Variants in ANXA11 observed in about 807,000 individuals in gnomAD.
The protein encoded by ANXA11 is annexin A11.
A neutral mutation model predicts 64.7 loss-of-function variants in ANXA11; 57 were observed. The observed-to-expected ratio is 0.88, with a 90% confidence interval of 0.71 to 1.10. ANXA11 has a LOEUF of 1.10. Ranked by LOEUF, ANXA11 falls within the 50% of genes least tolerant of loss-of-function variation. The pLI is 0.00. For missense variants in ANXA11, 675 were observed against 670.7 expected, an observed-to-expected ratio of 1.01 and a Z score of -0.07; for synonymous variants, 260 against 265.2, an observed-to-expected ratio of 0.98 and a Z score of 0.19.
intron 1 of ANXA11, among the ~76,000 whole-genome samples, chr10:80,184,602 T>A (rs1460258461): frequency 6.6e-6 from 1 of 152,176 alleles, no homozygotes; most frequent in Middle Eastern, 3.2e-3. Flanking sequence ...AGACAGACAG[T>A]GTGTTTATAT....
intron 1 of ANXA11, among the ~76,000 whole-genome samples, chr10:80,177,159 T>A (rs1846200858): frequency 6.6e-6 from 1 of 152,080 alleles, no homozygotes; most frequent in Admixed American, 6.6e-5. Flanking sequence ...AGGCTGATTT[T>A]TGTATTTTTA....
intron 7 of ANXA11, 156 bp from the exon 8 acceptor site, chr10:80,166,353 G>A: frequency 1.7e-6 from 1 of 578,190 alleles, no homozygotes; most frequent in Non-Finnish European, 3.1e-6. Context: ...TCTCAGCCCT[G>A]CCCCAAACCT....
intron 1 of ANXA11, among the ~76,000 whole-genome samples, chr10:80,180,161 A>G (rs990773987): frequency 6.6e-6 from 1 of 152,232 alleles, no homozygotes; most frequent in African/African-American, 2.4e-5. Context: ...GAATCTAGAA[A>G]TGCTACACTG....
intron 1 of ANXA11, among the ~76,000 whole-genome samples, chr10:80,203,652 C>A (rs1029022492): frequency 2.0e-5 from 3 of 152,134 alleles, no homozygotes; most frequent in African/African-American, 7.2e-5. Context: ...TAAGCCACAC[C>A]GCCACACAAA....
rs373081857 is a variant in ANXA11 at position 80,155,705 on chromosome 10, G to A, written c.*148C>T. 7.8e-5 allele frequency: 62 copies of A among 796,904 alleles called. No individual in the cohort carries two copies. The highest frequency in any genetic ancestry group is 4.9e-4 in the African/African-American group (29 of 59,238). The allele number at this position is 796,904 out of a possible 1,614,324, so 49.4% of individuals were successfully genotyped here. A position where few individuals can be genotyped will look rare whatever the true frequency, so the allele number is the denominator to read the frequency against. ...ACCCAGGTCCTGTGGCACACTATAC[G>A]GGTCAGGAGGGGTGGAAGACAGGCC... On this transcript the variant is annotated 3_prime_UTR_variant, in exon 16 of 16. Coordinates refer to ENST00000422982, the MANE Select transcript of ANXA11 (RefSeq NM_145868.2).
At chr10:80,156,518 CTCTT>C (rs1845283480) in intron 15 of ANXA11, 1 of 464,612 alleles carries the variant, frequency 2.2e-6, no homozygotes, top group African/African-American at 2.0e-5. Context: ...ATTATTAACT[CTCTT>C]TTTTTTTTTG....
chr10:80,188,812 A>G (rs1846651707), intron 1 of ANXA11, among the ~76,000 whole-genome samples: 1 of 152,140 alleles, frequency 6.6e-6, no homozygotes. Context: ...AGGCTCTGAC[A>G]TTTCGAGAGG....
In ANXA11 at chr10:80,157,638, T is replaced by C. The variant is rs1845325788; in HGVS notation, c.1458+3A>G. 1 of 1,612,774 alleles carries C rather than the reference T, an allele frequency of 6.2e-7. No individual in the cohort carries two copies. The highest frequency in any genetic ancestry group is 1.7e-5 in the Admixed American group (1 of 59,940). ...GCCCAGTTGGCCTGCAGCAGGCCCG[T>C]ACCGAGATGTCGTGGTACAGCGACT... On this transcript the variant is annotated splice_donor_region_variant and intron_variant, in intron 15 of 15. Coordinates refer to ENST00000422982, the MANE Select transcript of ANXA11 (RefSeq NM_145868.2).
chr10:80,159,541 G>A (rs1381153716), intron 12 of ANXA11, among the ~76,000 whole-genome samples: 1 of 152,150 alleles, frequency 6.6e-6, no homozygotes, highest in Non-Finnish European at 1.5e-5. Context: ...AGTATCTGCT[G>A]CTTAAGCCAC....
intron 1 of ANXA11, among the ~76,000 whole-genome samples, chr10:80,188,233 A>G (rs1846620545): frequency 6.6e-6 from 1 of 151,872 alleles, no homozygotes; most frequent in Non-Finnish European, 1.5e-5. Context: ...GGACTTCTCA[A>G]TTCTGCTGCA....
Position 80,151,028 on chromosome 10 carries a change from T to C in ANXA11, c.*4825A>G, listed in dbSNP as rs1276733166. 6.6e-6 allele frequency: 1 copy of C among 152,238 alleles called. No individual in the cohort carries two copies. Among genetic ancestry groups the C allele is most frequent in the African/African-American group, 2.4e-5 (1 of 41,470 alleles). The allele number at this position is 152,238 out of a possible 1,614,324, so 9.4% of individuals were successfully genotyped here. ...GGAAGGACAGACTTGTGGAATTTCC[T>C]ATTCCATTTCGTTGACCACATTAAA... On this transcript the variant is annotated 3_prime_UTR_variant, in exon 16 of 16. Transcript: ENST00000422982.
At chr10:80,178,479 A>T (rs912345571) in intron 1 of ANXA11, among the ~76,000 whole-genome samples, 2 of 152,160 alleles carry the variant, frequency 1.3e-5, no homozygotes, top group South Asian at 2.1e-4. Context: ...GTCTCTGGGG[A>T]CCTTCTGGCC....
rs879067096 is a variant in ANXA11, at chr10:80,155,743, C to T, written c.*110G>A. On this transcript the variant is annotated 3_prime_UTR_variant, in exon 16 of 16. Coordinates refer to ENST00000422982, the MANE Select transcript of ANXA11 (RefSeq NM_145868.2). ...TGGAAGACAGGCCTAAGCTCTAGGACGGTGAATCTCGGGGCTATTTGTGGA... is the reference window on the plus strand; with the variant it reads ...TGGAAGACAGGCCTAAGCTCTAGGATGGTGAATCTCGGGGCTATTTGTGGA... 8.4e-6 allele frequency: 9 copies of T among 1,077,408 alleles called. No individual in the cohort carries two copies. The highest frequency in any genetic ancestry group is 4.0e-5 in the South Asian group (3 of 74,644). 66.7% of individuals were successfully genotyped at this position (1,077,408 alleles called of 1,614,324 possible).
intron 3 of ANXA11, among the ~76,000 whole-genome samples, chr10:80,172,418 T>TCG (rs1430752307): frequency 6.6e-6 from 1 of 152,174 alleles, no homozygotes; most frequent in Non-Finnish European, 1.5e-5. Flanking sequence ...GGACACCGTG[T>TCG]CGCTCTGCCT....
chr10:80,183,300 TCAGC>T (rs375104835), intron 1 of ANXA11, among the ~76,000 whole-genome samples: 23 of 152,330 alleles, frequency 1.5e-4, no homozygotes, highest in African/African-American at 5.3e-4. Flanking sequence ...GAAAAGGATC[TCAGC>T]CAGCAACCTG....
At chr10:80,155,940 G>A (rs751091287) in intron 15 of ANXA11, 28 bp from the exon 16 acceptor site, 6 of 1,606,204 alleles carry the variant, frequency 3.7e-6, no homozygotes, top group African/African-American at 1.3e-5. Context: ...GAAGACATCC[G>A]TTAAGGGAGG....
At chr10:80,166,040 G>GCA (rs753895566) in intron 8 of ANXA11, 44 bp downstream of exon 8, 41,613 of 1,069,858 alleles carry the variant, frequency 0.039, 905 homozygotes, top group African/African-American at 0.17. Context: ...GCACACACGC[G>GCA]CGCACACACA....
Position 80,167,072 on chromosome 10 carries a change from T to A in ANXA11, c.650-88A>T, listed in dbSNP as rs1845775020. ...TTCCCTGGCCTGGGCCCCTCAACTGTTCTGGGCATGCTAGCCATACCCCCA... is the reference window on the plus strand; with the variant it reads ...TTCCCTGGCCTGGGCCCCTCAACTGATCTGGGCATGCTAGCCATACCCCCA... On this transcript the variant is annotated intron_variant, in intron 6 of 15. Transcript: ENST00000422982. 3.9e-5 allele frequency: 52 copies of A among 1,324,934 alleles called. 2 individuals carry two copies. The South Asian group carries it at 6.6e-4, about 17-fold the overall frequency. 82.1% of individuals were successfully genotyped at this position (1,324,934 alleles called of 1,614,324 possible).
chr10:80,177,523 C>T (rs1302071513), intron 1 of ANXA11, among the ~76,000 whole-genome samples: 2 of 152,122 alleles, frequency 1.3e-5, no homozygotes, highest in Admixed American at 6.5e-5. Context: ...CATCTTCCCC[C>T]TCTCTCTCAG....
Sources: allele counts gnomAD v4.1 joint callset (sites outside exome capture counted in the v4.1 genomes callset), GRCh38; gene constraint gnomAD v4.1.1; transcripts MANE v1.5; gene names NCBI Gene and HGNC (gene_info 2026-07-23, HGNC 2026-07-21).